LRMDA: variants seen among roughly 807,000 people sequenced by gnomAD.
The protein encoded by LRMDA is leucine rich melanocyte differentiation associated, also known as leucine-rich melanocyte differentiation-associated protein.
In LRMDA, 18 loss-of-function variants were observed where a neutral mutation model predicts 29.8. That is an observed-to-expected ratio of 0.60 (90% CI 0.42 to 0.90). LRMDA has a LOEUF of 0.90. LRMDA is among the 40% of genes least tolerant of loss of function. LRMDA has a pLI of 0.00. For missense variants in LRMDA, 273 were observed against 273.9 expected, an observed-to-expected ratio of 1.00 and a Z score of 0.02; for synonymous variants, 125 against 109.4, an observed-to-expected ratio of 1.14 and a Z score of -0.89.
chr10:76,347,180 G>A (rs976958227), intron 6 of LRMDA, among the ~76,000 whole-genome samples: 4 of 152,124 alleles, frequency 2.6e-5, no homozygotes, highest in African/African-American at 9.7e-5. Context: ...TCTGAAGGCC[G>A]TTATTCCCTA....
At chr10:76,207,981 C>T (rs937538028) in intron 5 of LRMDA, among the ~76,000 whole-genome samples, 10 of 152,016 alleles carry the variant, frequency 6.6e-5, no homozygotes, top group African/African-American at 2.4e-4. Flanking sequence ...AAAGTATGTC[C>T]ACTGGTGTTC....
intron 5 of LRMDA, among the ~76,000 whole-genome samples, chr10:76,184,530 C>A (rs1227810783): frequency 6.6e-6 from 1 of 152,146 alleles, no homozygotes; most frequent in Non-Finnish European, 1.5e-5. Context: ...CTGTAGCTTT[C>A]ATAAAAGTAT....
At chr10:76,285,537 G>A (rs181040551) in intron 5 of LRMDA, among the ~76,000 whole-genome samples, 11 of 152,234 alleles carry the variant, frequency 7.2e-5, no homozygotes, top group East Asian at 1.9e-4. Context: ...TTTCATGCCC[G>A]CATTGGCTTT....
chr10:75,998,861 T>C (rs1244966528), intron 2 of LRMDA, among the ~76,000 whole-genome samples: 2 of 152,200 alleles, frequency 1.3e-5, no homozygotes, highest in African/African-American at 4.8e-5. Context: ...AGAGCAGGCA[T>C]GGGGACGTCT....
intron 2 of LRMDA, among the ~76,000 whole-genome samples, chr10:75,829,173 G>C (rs1441813360): frequency 6.6e-6 from 1 of 152,144 alleles, no homozygotes. Context: ...CCCATGAGAT[G>C]ATGTTCCAGA....
chr10:76,432,077 G>A (rs547011486), intron 6 of LRMDA, among the ~76,000 whole-genome samples: 93 of 152,230 alleles, frequency 6.1e-4, no homozygotes, highest in African/African-American at 2.2e-3. Flanking sequence ...CCTAAATATA[G>A]CAAGTGTACT....
chr10:75,821,851 A>G (rs1185609497), intron 2 of LRMDA, among the ~76,000 whole-genome samples: 1 of 152,084 alleles, frequency 6.6e-6, no homozygotes, highest in Non-Finnish European at 1.5e-5. Context: ...AATAATAAAA[A>G]CCATGTATGA....
At chr10:76,202,943 G>C (rs1213066687) in intron 5 of LRMDA, among the ~76,000 whole-genome samples, 8 of 152,248 alleles carry the variant, frequency 5.3e-5, no homozygotes, top group Middle Eastern at 3.4e-3. Context: ...AGGCATTTGT[G>C]GCTGAGTTCT....
chr10:76,475,578 C>G (rs1382731691), intron 6 of LRMDA, among the ~76,000 whole-genome samples: 3 of 152,176 alleles, frequency 2.0e-5, no homozygotes, highest in African/African-American at 7.2e-5. Flanking sequence ...CTCTCCACCC[C>G]AAATCAACAG....
chr10:75,637,419 G>A (rs1288809997), intron 2 of LRMDA, among the ~76,000 whole-genome samples: 5 of 152,128 alleles, frequency 3.3e-5, no homozygotes, highest in African/African-American at 9.7e-5. Flanking sequence ...GGGAGGAGGC[G>A]GAGGAAGAGG....
intron 5 of LRMDA, among the ~76,000 whole-genome samples, chr10:76,273,237 T>C (rs1042856697): frequency 2.0e-5 from 3 of 152,174 alleles, no homozygotes; most frequent in African/African-American, 7.2e-5. Flanking sequence ...CATGGAAAGC[T>C]GTAGTGTTTT....
At chr10:75,504,411 G>A (rs1374478150) in intron 2 of LRMDA, among the ~76,000 whole-genome samples, 1 of 152,150 alleles carries the variant, frequency 6.6e-6, no homozygotes, top group East Asian at 1.9e-4. Context: ...GGGTTTGGGG[G>A]GATGGGGCAG....
At chr10:76,441,585 A>G (rs577652453) in intron 6 of LRMDA, among the ~76,000 whole-genome samples, 5 of 152,276 alleles carry the variant, frequency 3.3e-5, no homozygotes, top group East Asian at 1.9e-4. Flanking sequence ...CCATTCATCA[A>G]TAGAGAGCCC....
intron 2 of LRMDA, among the ~76,000 whole-genome samples, chr10:75,481,377 C>T (rs564000324): frequency 6.6e-6 from 1 of 152,048 alleles, no homozygotes; most frequent in Non-Finnish European, 1.5e-5. Flanking sequence ...TCATTAAGGT[C>T]ACATGCTGCA....
chr10:76,076,701 T>G (rs7086995), intron 5 of LRMDA, among the ~76,000 whole-genome samples: 57,424 of 151,938 alleles, frequency 0.38, 12,086 homozygotes, highest in Non-Finnish European at 0.46. Flanking sequence ...CCATTCTGGG[T>G]ATTTCAGGGC....
At chr10:75,672,716 C>T (rs867012072) in intron 2 of LRMDA, among the ~76,000 whole-genome samples, 1 of 149,590 alleles carries the variant, frequency 6.7e-6, no homozygotes, top group Non-Finnish European at 1.5e-5. Flanking sequence ...CTAGCTGGGA[C>T]TACAGGCAGG....
chr10:75,822,230 A>G (rs1025961056), intron 2 of LRMDA, among the ~76,000 whole-genome samples: 1 of 152,156 alleles, frequency 6.6e-6, no homozygotes, highest in African/African-American at 2.4e-5. Context: ...TGGCTACCAA[A>G]AAAACACTGA....
At chr10:75,593,407 G>T (rs1204441781) in intron 2 of LRMDA, among the ~76,000 whole-genome samples, 2 of 152,230 alleles carry the variant, frequency 1.3e-5, no homozygotes, top group African/African-American at 4.8e-5. Context: ...ACAAGAAAAT[G>T]ATTGAGTCTG....
chr10:75,924,213 C>T (rs888140678), intron 2 of LRMDA, among the ~76,000 whole-genome samples: 8 of 152,112 alleles, frequency 5.3e-5, no homozygotes, highest in Non-Finnish European at 1.0e-4. Context: ...TTTTTAAAGC[C>T]GTGCAATGCA....
Sources: gnomAD v4.1 joint callset for allele counts (sites outside exome capture counted in the v4.1 genomes callset) on GRCh38, gnomAD v4.1.1 for gene constraint, MANE v1.5 for transcripts, NCBI Gene and HGNC (gene_info 2026-07-23, HGNC 2026-07-21) for gene names.